Variants in RELN observed in about 807,000 individuals in gnomAD.
The protein encoded by RELN is reelin.
RELN carries 108 observed loss-of-function variants against 427.6 expected under a neutral mutation model. The ratio of observed to expected loss-of-function variants is 0.25; its 90% CI spans 0.22 to 0.30. The LOEUF (loss-of-function observed/expected upper bound fraction) is 0.30. Among genes scored for constraint, RELN ranks in the 10% least tolerant of loss-of-function variants. RELN has a pLI of 1.00. For missense variants in RELN, 3,715 were observed against 4,302.8 expected (o/e 0.86, Z 3.82); for synonymous variants, 1,524 against 1,513.4 (o/e 1.01, Z -0.16).
At position 103,535,409 on chromosome 7, in the gene RELN, A is replaced by C. The variant is rs777442978; in HGVS notation, c.7256T>G (p.Val2419Gly). ...PLVRDCLPTN[V>G]ECSRYHLQRI... ...TTGCAGATGATAGCGACTGCATTCCACATTGGTAGGCAGACAGTCCCTTAC... is the reference window on the plus strand; with the variant it reads ...TTGCAGATGATAGCGACTGCATTCCCCATTGGTAGGCAGACAGTCCCTTAC... Residue 2419 changes from valine to glycine, a missense_variant, in exon 46 of 65, where the codon GTG becomes GGG. By Grantham distance (109) the Val-to-Gly change is moderately radical. Around this residue, in one of 4 missense-constraint regions of RELN, gnomAD observed 1,310 missense variants for 1,643.0 expected, o/e 0.80. Coordinates refer to ENST00000428762, the MANE Select transcript of RELN (RefSeq NM_005045.4). 6.2e-6 allele frequency: 10 copies of C among 1,613,940 alleles called. No homozygotes were observed. The highest frequency in any genetic ancestry group is 1.7e-5 in the Admixed American group (1 of 59,982).
intron 31 of RELN, among the ~76,000 whole-genome samples, chr7:103,567,953 C>T (rs895543032): frequency 1.4e-4 from 22 of 151,992 alleles, no homozygotes; most frequent in African/African-American, 5.1e-4. Flanking sequence ...TGTGCCACCT[C>T]GCTCGGCTAA....
intron 3 of RELN, among the ~76,000 whole-genome samples, chr7:103,783,361 A>G (rs1036538798): frequency 6.6e-6 from 1 of 152,112 alleles, no homozygotes; most frequent in Non-Finnish European, 1.5e-5. Context: ...CCCATAAAAA[A>G]GAGAAATGAA....
chr7:103,782,984 G>A (rs1209198067), intron 3 of RELN, among the ~76,000 whole-genome samples: 1 of 152,046 alleles, frequency 6.6e-6, no homozygotes, highest in Non-Finnish European at 1.5e-5. Context: ...TTAGTCTTGT[G>A]TAATTCAGTA....
intron 49 of RELN, among the ~76,000 whole-genome samples, chr7:103,519,042 A>G (rs1338610732): frequency 6.6e-6 from 1 of 152,206 alleles, no homozygotes; most frequent in Non-Finnish European, 1.5e-5. Context: ...GCTGAAATTA[A>G]TTATACTAGT....
intron 3 of RELN, among the ~76,000 whole-genome samples, chr7:103,792,154 G>T (rs898506687): frequency 3.9e-5 from 6 of 152,234 alleles, no homozygotes; most frequent in Non-Finnish European, 7.4e-5. Flanking sequence ...AAACAGTTTG[G>T]CAATGCCTCA....
rs901516924 is a variant in RELN at position 103,620,991 on chromosome 7, TTC to T, written c.2702+8947_2702+8948del. On this transcript the variant is annotated intron_variant, in intron 20 of 64. Transcript: ENST00000428762. The surrounding 1 kb of genome is among the most constrained non-coding windows in gnomAD (Gnocchi z 4.1). ...ACACGAGGAATCTTTGAAATTATCTTTCTTTTTCCTTCCAACTCTGTGCAACC... is the reference window on the plus strand; with the variant it reads ...ACACGAGGAATCTTTGAAATTATCTTTTTTTCCTTCCAACTCTGTGCAACC... Among the ~76,000 whole-genome samples, 5 of 152,190 alleles carry T rather than the reference TTC, an allele frequency of 3.3e-5. No individual in the cohort carries two copies. Among genetic ancestry groups the T allele is most frequent in the African/African-American group, 1.2e-4 (5 of 41,450 alleles).
intron 2 of RELN, among the ~76,000 whole-genome samples, chr7:103,870,676 T>G (rs1794309710): frequency 6.6e-6 from 1 of 152,122 alleles, no homozygotes; most frequent in Non-Finnish European, 1.5e-5. Context: ...CTTTTCACTT[T>G]GGCAAGACCA....
intron 24 of RELN, 111 bp from the exon 25 acceptor site, chr7:103,596,772 G>GAGACCATT: frequency 1.1e-6 from 1 of 921,128 alleles, no homozygotes; most frequent in African/African-American, 1.6e-5. Flanking sequence ...AAATGGTCTC[G>GAGACCATT]TCCCCATTTA....
chr7:103,770,686 A>T (rs1201627541), intron 4 of RELN, among the ~76,000 whole-genome samples: 1 of 151,828 alleles, frequency 6.6e-6, no homozygotes, highest in African/African-American at 2.4e-5. Flanking sequence ...TAATAATGGT[A>T]CATATTTATT....
intron 3 of RELN, among the ~76,000 whole-genome samples, chr7:103,782,873 G>A (rs1370564675): frequency 6.6e-6 from 1 of 152,012 alleles, no homozygotes; most frequent in Non-Finnish European, 1.5e-5. Context: ...TCCAGGGGTG[G>A]GTTGCTTTTT....
intron 49 of RELN, among the ~76,000 whole-genome samples, chr7:103,518,302 T>G (rs1259521758): frequency 2.0e-5 from 3 of 151,424 alleles, no homozygotes; most frequent in Admixed American, 6.6e-5. Flanking sequence ...CTGGCTTGCA[T>G]GCATTAAAGG....
At chr7:103,687,486 G>C (rs2027951) in intron 10 of RELN, among the ~76,000 whole-genome samples, 4 of 152,120 alleles carry the variant, frequency 2.6e-5, no homozygotes, top group South Asian at 2.1e-4. Flanking sequence ...GTGAGCATTA[G>C]ATAAAATACT....
rs1797055788 is a variant in RELN at position 103,984,449 on chromosome 7, T to TGTAGGAATGAATGAA, written c.226+4667_226+4681dup. 2.0e-5 allele frequency among the ~76,000 whole-genome samples: 3 copies of TGTAGGAATGAATGAA among 152,150 alleles called. 1 individual carries two copies. The highest frequency in any genetic ancestry group is 6.5e-5 in the Admixed American group (1 of 15,276). ...AATATAATTAAATAACTCCTAGTAATGTAGGAATGAATGAAGTAGGAATTT... is the reference window on the plus strand; with the variant it reads ...AATATAATTAAATAACTCCTAGTAATGTAGGAATGAATGAAGTAGGAATGAATGAAGTAGGAATTT... On this transcript the variant is annotated intron_variant, in intron 1 of 64. Coordinates refer to ENST00000428762, the MANE Select transcript of RELN (RefSeq NM_005045.4).
chr7:103,563,526 A>C lies in RELN; in HGVS notation c.5211-1573T>G, dbSNP rs1830683455. Among the ~76,000 whole-genome samples the C allele has an allele frequency of 6.6e-6, 1 of 152,266 alleles. No individual in the cohort carries two copies. The highest frequency in any genetic ancestry group is 2.4e-5 in the African/African-American group (1 of 41,474). The stretch of plus-strand genomic sequence containing the variant: ...ACAAGAGTCCAAAAGTTTTAAAAAA[A>C]GTTTATATAATGGAAAAGTTATAGT... On this transcript the variant is annotated intron_variant, in intron 34 of 64. Coordinates refer to ENST00000428762, the MANE Select transcript of RELN (RefSeq NM_005045.4). The surrounding 1 kb of genome is among the most constrained non-coding windows in gnomAD (Gnocchi z 4.1).
At chr7:103,864,181 C>T (rs555948961) in intron 2 of RELN, among the ~76,000 whole-genome samples, 1 of 152,318 alleles carries the variant, frequency 6.6e-6, no homozygotes, top group East Asian at 1.9e-4. Flanking sequence ...AACTTAAACA[C>T]ACCTATAATG....
intron 64 of RELN, among the ~76,000 whole-genome samples, chr7:103,477,614 C>A (rs1363105498): frequency 6.6e-6 from 1 of 152,210 alleles, no homozygotes; most frequent in Non-Finnish European, 1.5e-5. Flanking sequence ...TAAATAAGTG[C>A]AGACACAAAC....
At chr7:103,892,898 T>A (rs1584339898) in intron 2 of RELN, among the ~76,000 whole-genome samples, 1 of 152,202 alleles carries the variant, frequency 6.6e-6, no homozygotes, top group East Asian at 1.9e-4. Flanking sequence ...TATTCACAAA[T>A]ATAACAGGAA....
chr7:103,892,006 G>C (rs75563507), intron 2 of RELN, among the ~76,000 whole-genome samples: 1 of 152,076 alleles, frequency 6.6e-6, no homozygotes, highest in Non-Finnish European at 1.5e-5. Flanking sequence ...AATTATTGCT[G>C]GGAAGCAACT....
rs984614429 is a variant in RELN at position 103,489,867 on chromosome 7, T to C, written c.9638A>G (p.Glu3213Gly). The C allele has an allele frequency of 1.2e-5, 19 of 1,614,118 alleles. No individual in the cohort carries two copies. Among genetic ancestry groups the C allele is most frequent in the Non-Finnish European group, 1.6e-5 (19 of 1,180,014 alleles). The change falls in exon 60 of 65, where the codon GAA becomes GGA. Residue 3213 changes from glutamate to glycine, a missense_variant. By Grantham distance (98) the Glu-to-Gly change is moderately conservative (BLOSUM62 -2). This residue lies in a region of RELN where 1,310 missense variants were observed against 1,643.0 expected (regional missense o/e 0.80). Transcript: ENST00000428762. ...ATQFRWIQKG[E>G]ETEKQSWAID... The stretch of plus-strand genomic sequence containing the variant: ...TGCCCAGCTTTGCTTCTCAGTTTCT[T>C]CTCCCTTCTGGATCCAGCGGAACTG...
Sources: gnomAD v4.1 joint callset for allele counts (sites outside exome capture counted in the v4.1 genomes callset) on GRCh38, gnomAD v4.1.1 for gene constraint, gnomAD v4.1.1 regional missense constraint, Gnocchi (gnomAD v3.1) non-coding constraint, MANE v1.5 for transcripts, NCBI Gene and HGNC (gene_info 2026-07-23, HGNC 2026-07-21) for gene names.